COG4: variants seen among roughly 807,000 people sequenced by gnomAD.
COG4 encodes conserved oligomeric Golgi complex subunit 4.
A neutral mutation model predicts 95.1 loss-of-function variants in COG4; 65 were observed. The ratio of observed to expected loss-of-function variants is 0.68; its 90% CI spans 0.56 to 0.84. The LOEUF is 0.84. Among genes scored for constraint, COG4 ranks in the 40% least tolerant of loss-of-function variants. The pLI, the probability that COG4 is intolerant of heterozygous loss-of-function variation, is 0.00. For missense variants in COG4, 1,045 were observed against 989.1 expected, an observed-to-expected ratio of 1.06 and a Z score of -0.76; for synonymous variants, 421 against 374.8, an observed-to-expected ratio of 1.12 and a Z score of -1.42.
chr16:70,485,205 C>CTTT (rs1262821692), intron 13 of COG4, among the ~76,000 whole-genome samples: 12 of 130,396 alleles, frequency 9.2e-5, no homozygotes, highest in African/African-American at 2.0e-4. Context: ...CCCTGTCTCT[C>CTTT]TTTTTTTTTT....
chr16:70,520,374 T>TGGGGG (rs61397425), intron 1 of COG4, among the ~76,000 whole-genome samples: 1 of 2,266 alleles, frequency 4.4e-4, no homozygotes, highest in Non-Finnish European at 1.0e-3. Context: ...ACCCGGGGGG[T>TGGGGG]GGGGGGGGGG....
At chr16:70,487,110 G>A (rs1007915043) in intron 13 of COG4, among the ~76,000 whole-genome samples, 2 of 151,786 alleles carry the variant, frequency 1.3e-5, no homozygotes, top group African/African-American at 4.8e-5. Flanking sequence ...AGACAGCATG[G>A]TGAAACCTCG....
chr16:70,512,127 G>A, intron 5 of COG4, 112 bp downstream of exon 5: 2 of 994,124 alleles, frequency 2.0e-6, no homozygotes, highest in Admixed American at 1.9e-5. Flanking sequence ...GGGCAGGAAG[G>A]GGAGTCATAT....
intron 9 of COG4, among the ~76,000 whole-genome samples, chr16:70,498,529 T>C (rs538930050): frequency 1.3e-5 from 2 of 152,062 alleles, no homozygotes; most frequent in African/African-American, 4.8e-5. Context: ...GGTTTCTCCA[T>C]GTTGAGGTTG....
intron 7 of COG4, 123 bp downstream of exon 7, chr16:70,509,108 T>C (rs919029065): frequency 1.6e-6 from 2 of 1,241,090 alleles, no homozygotes; most frequent in African/African-American, 3.0e-5. Flanking sequence ...CAGTGTGCGC[T>C]TAGCATTTAT....
At chr16:70,497,606 T>C (rs1405932117) in intron 10 of COG4, among the ~76,000 whole-genome samples, 2 of 152,204 alleles carry the variant, frequency 1.3e-5, no homozygotes, top group African/African-American at 4.8e-5. Flanking sequence ...AGAGATCCAT[T>C]ACCTGGGGAG....
chr16:70,481,676 A>G (rs2048995684), intron 17 of COG4, 88 bp downstream of exon 17: 2 of 1,353,246 alleles, frequency 1.5e-6, no homozygotes, highest in African/African-American at 2.9e-5. Flanking sequence ...CAGCAGACAG[A>G]GGGGATGCAA....
At chr16:70,506,483 T>C (rs1483425971) in intron 8 of COG4, among the ~76,000 whole-genome samples, 4 of 149,850 alleles carry the variant, frequency 2.7e-5, no homozygotes, top group African/African-American at 9.8e-5. Context: ...TCCCAGCTAC[T>C]TGGGAGGCTG....
chr16:70,482,951 C>A (rs1209672765), intron 14 of COG4, 130 bp from the exon 15 acceptor site: 2 of 699,436 alleles, frequency 2.9e-6, no homozygotes, highest in Admixed American at 2.1e-5. Flanking sequence ...CCTTCCTTCT[C>A]TCCTCTCCCC....
chr16:70,522,828 G>A (rs550017341), intron 1 of COG4, among the ~76,000 whole-genome samples: 6 of 152,166 alleles, frequency 3.9e-5, no homozygotes, highest in Non-Finnish European at 7.3e-5. Flanking sequence ...GAAGTGACTT[G>A]TCCAAGATTA....
intron 9 of COG4, among the ~76,000 whole-genome samples, chr16:70,499,526 T>C (rs2049405376): frequency 6.6e-6 from 1 of 152,250 alleles, no homozygotes; most frequent in Admixed American, 6.5e-5. Flanking sequence ...TGCATATATT[T>C]GCCCAGCAGG....
At position 70,512,335 on chromosome 16, in the gene COG4, A is replaced by C. The variant is rs775757681; in HGVS notation, c.642T>G (p.Gly214=). 2 of 1,613,974 alleles carry C rather than the reference A, an allele frequency of 1.2e-6. No homozygotes were observed. The highest frequency in any genetic ancestry group is 8.5e-7 in the Non-Finnish European group (1 of 1,180,004). The part of the protein sequence containing the change: ...AEKFAIATKE[G]DLPQVERFFK... ...AGAAGCGCTCCACCTGGGGCAGATC[A>C]CCTTCCTTGGTGGCAATGGCAAACT... Residue 214 remains glycine, a synonymous_variant, in exon 5 of 19, where the codon GGT becomes GGG. Coordinates refer to ENST00000323786, the MANE Select transcript of COG4 (RefSeq NM_015386.3).
At chr16:70,508,736 G>A (rs1555496903) in intron 7 of COG4, 22 of 623,592 alleles carry the variant, frequency 3.5e-5, no homozygotes, top group South Asian at 3.4e-4. Flanking sequence ...TCCTAGTCTG[G>A]AGTTCTAGAA....
chr16:70,482,899 C>T (rs1034979369), intron 14 of COG4, 78 bp from the exon 15 acceptor site: 4 of 1,068,804 alleles, frequency 3.7e-6, no homozygotes, highest in Non-Finnish European at 5.8e-6. Context: ...CCCATCCCTT[C>T]CCTCTATCCT....
rs1320964312 is a variant in COG4 at position 70,506,297 on chromosome 16, G to T, written c.1061+2109C>A. 3.3e-5 allele frequency among the ~76,000 whole-genome samples: 5 copies of T among 152,052 alleles called. No individual in the cohort carries two copies. In the East Asian group the frequency reaches 7.7e-4, roughly 23 times the overall value. ...GGGCGACTGTAGTCCCAGCTACACG[G>T]GAGGCTGAGGCAGGAGAATGGCGTG... On this transcript the variant is annotated intron_variant, in intron 8 of 18. Coordinates refer to ENST00000323786, the MANE Select transcript of COG4 (RefSeq NM_015386.3).
chr16:70,513,780 C>T (rs1254064780), intron 4 of COG4, among the ~76,000 whole-genome samples: 1 of 152,156 alleles, frequency 6.6e-6, no homozygotes, highest in African/African-American at 2.4e-5. Flanking sequence ...TATTTTTGGA[C>T]TAAGGTTGAC....
At chr16:70,483,522 G>T (rs1452641961) in intron 14 of COG4, among the ~76,000 whole-genome samples, 2 of 152,004 alleles carry the variant, frequency 1.3e-5, no homozygotes, top group African/African-American at 2.4e-5. Flanking sequence ...AGAGATTTCA[G>T]AATGCTCAAT....
chr16:70,491,511 ACT>A (rs1381705995), intron 12 of COG4, among the ~76,000 whole-genome samples: 1 of 89,776 alleles, frequency 1.1e-5, no homozygotes, highest in Non-Finnish European at 1.9e-5. Flanking sequence ...ACAGAGCAAG[ACT>A]CTGTCTCAAA....
intron 6 of COG4, 31 bp from the exon 7 acceptor site, chr16:70,509,419 C>G (rs1200931999): frequency 1.9e-6 from 3 of 1,613,150 alleles, no homozygotes; most frequent in Non-Finnish European, 2.5e-6. Flanking sequence ...GGGTTATATT[C>G]CAAGTATTCT....
Sources: gnomAD v4.1 joint callset for allele counts (sites outside exome capture counted in the v4.1 genomes callset) on GRCh38, gnomAD v4.1.1 for gene constraint, MANE v1.5 for transcripts, NCBI Gene and HGNC (gene_info 2026-07-23, HGNC 2026-07-21) for gene names.